Variants in EPHB2 observed in about 807,000 individuals in gnomAD.
The protein encoded by EPHB2 is ephrin type-B receptor 2.
EPHB2 carries 18 observed loss-of-function variants against 96.4 expected under a neutral mutation model. That is an observed-to-expected ratio of 0.19 (90% confidence interval 0.13 to 0.28). The LOEUF is 0.28. EPHB2 is among the 10% of genes least tolerant of loss of function. EPHB2 has a pLI of 1.00. For synonymous variants in EPHB2, 506 were observed against 534.1 expected (o/e 0.95, Z 0.72); for missense variants, 989 against 1,355.4 (o/e 0.73, Z 4.25).
chr1:22,862,926 C>A, intron 3 of EPHB2, 111 bp from the exon 4 acceptor site: 1 of 1,382,808 alleles, frequency 7.2e-7, no homozygotes, highest in Non-Finnish European at 1.0e-6. Context: ...AGCAGTGGTG[C>A]TGCATGGCCC....
chr1:22,742,156 C>G (rs1178756062), intron 1 of EPHB2, among the ~76,000 whole-genome samples: 1 of 152,132 alleles, frequency 6.6e-6, no homozygotes, highest in African/African-American at 2.4e-5. Flanking sequence ...CCTCCTGGCC[C>G]ATATGAGCCC....
rs189454653 is a variant in EPHB2 at position 22,914,195 on chromosome 1, A to G, written c.*625A>G. ...TATTTTAGAAACTCCAATGAAAGACACTGTTTCTCCTGTTGGCTCACAGGG... is the reference window on the plus strand; with the variant it reads ...TATTTTAGAAACTCCAATGAAAGACGCTGTTTCTCCTGTTGGCTCACAGGG... On this transcript the variant is annotated 3_prime_UTR_variant, in exon 16 of 16. Transcript: ENST00000374630. The G allele has an allele frequency of 6.6e-5, 18 of 271,224 alleles. No homozygotes were observed. The highest frequency in any genetic ancestry group is 1.3e-4 in the Non-Finnish European group (18 of 143,988). 16.8% of individuals were successfully genotyped at this position (271,224 alleles called of 1,614,324 possible). A position where few individuals can be genotyped will look rare whatever the true frequency, so the allele number is the denominator to read the frequency against.
At chr1:22,807,082 G>A (rs1022477626) in intron 3 of EPHB2, among the ~76,000 whole-genome samples, 2 of 152,206 alleles carry the variant, frequency 1.3e-5, no homozygotes, top group Non-Finnish European at 2.9e-5. Context: ...TGGGTCCCAC[G>A]CTTCGAGGAA....
chr1:22,747,595 G>A lies in EPHB2; in HGVS notation c.62-33826G>A, dbSNP rs114559005. Among the ~76,000 whole-genome samples the A allele has an allele frequency of 9.4e-3, 1,431 of 152,350 alleles. 26 individuals carry two copies. Among genetic ancestry groups the A allele is most frequent in the African/African-American group, 0.033 (1,371 of 41,582 alleles). ...CCAGCTGAGCAAAGCAAACACCTTG[G>A]GGTGGCATGTGGTCTGTGAGCTGGC... On this transcript the variant is annotated intron_variant, in intron 1 of 15. Coordinates refer to ENST00000374630, the MANE Select transcript of EPHB2 (RefSeq NM_017449.5).
rs1640284904 is a variant in EPHB2 at position 22,916,887 on chromosome 1, C to T, written c.*3317C>T. The T allele has an allele frequency of 6.6e-6, 1 of 152,270 alleles. No homozygotes were observed. The highest frequency in any genetic ancestry group is 2.4e-5 in the African/African-American group (1 of 41,424). 9.4% of individuals were successfully genotyped at this position (152,270 alleles called of 1,614,324 possible). A position where few individuals can be genotyped will look rare whatever the true frequency, so the allele number is the denominator to read the frequency against. On this transcript the variant is annotated 3_prime_UTR_variant, in exon 16 of 16. Coordinates refer to ENST00000374630, the MANE Select transcript of EPHB2 (RefSeq NM_017449.5). This position sits in a 1 kb window ranked among gnomAD's most constrained non-coding sequence, Gnocchi z 4.2. ...GAGAGCCATGCTACCCACCCGCACC[C>T]CTACTGCTACGAAGCCCCCAGAATG...
intron 6 of EPHB2, 122 bp from the exon 7 acceptor site, chr1:22,892,762 T>A (rs1294494488): frequency 8.0e-7 from 1 of 1,249,488 alleles, no homozygotes; most frequent in Non-Finnish European, 1.2e-6. Flanking sequence ...GGATGAAGAA[T>A]TGGGAACCAT....
rs541144302 is a variant in EPHB2 at position 22,863,598 on chromosome 1, G to A, written c.967+406G>A. Among the ~76,000 whole-genome samples, 18 of 152,318 alleles carry A rather than the reference G, an allele frequency of 1.2e-4. No individual in the cohort carries two copies. In the South Asian group the frequency reaches 1.4e-3, roughly 12 times the overall value. ...GGAAGGCACTGCCTGAGAACGCAGC[G>A]TCACAACCCCTGTATCTGTCAGGGA... On this transcript the variant is annotated intron_variant, in intron 4 of 15. Transcript: ENST00000374630.
In EPHB2 at chr1:22,906,947, C is replaced by T. The variant is rs1323321999; in HGVS notation, c.2126C>T (p.Ser709Phe). ...TTCATGGAGAATGGCTCCCTGGACT[C>T]CTTTCTCCGGGTAGGGGAAGCCAAG... ...TEFMENGSLD[S>F]FLRQNDGQFT... Residue 709 changes from serine to phenylalanine, a missense_variant, in exon 11 of 16, where the codon TCC becomes TTC. Transcript: ENST00000374630. This position sits in a 1 kb window ranked among gnomAD's most constrained non-coding sequence, Gnocchi z 4.8. 6.2e-7 allele frequency: 1 copy of T among 1,609,316 alleles called. No homozygotes were observed. Among genetic ancestry groups the T allele is most frequent in the East Asian group, 2.2e-5 (1 of 44,776 alleles).
At chr1:22,905,076 T>C (rs1639866971) in intron 9 of EPHB2, among the ~76,000 whole-genome samples, 1 of 152,162 alleles carries the variant, frequency 6.6e-6, no homozygotes, top group Non-Finnish European at 1.5e-5. Flanking sequence ...CAGCTGCCTA[T>C]CTGGGAGGCG....
intron 5 of EPHB2, among the ~76,000 whole-genome samples, chr1:22,874,218 G>A (rs545874009): frequency 2.0e-5 from 3 of 152,324 alleles, no homozygotes; most frequent in African/African-American, 4.8e-5. Context: ...GCCAAGTCCT[G>A]TGCTAATCAC....
At chr1:22,809,041 C>T (rs1644968253) in intron 3 of EPHB2, among the ~76,000 whole-genome samples, 1 of 152,242 alleles carries the variant, frequency 6.6e-6, no homozygotes, top group South Asian at 2.1e-4. Context: ...CCGGGCCAGG[C>T]CTGGGATCCA....
chr1:22,770,150 C>T (rs1020074081), intron 1 of EPHB2, among the ~76,000 whole-genome samples: 2 of 151,766 alleles, frequency 1.3e-5, no homozygotes, highest in Non-Finnish European at 2.9e-5. Context: ...TGGATGGGTA[C>T]ACGGGCGGGC....
intron 3 of EPHB2, among the ~76,000 whole-genome samples, chr1:22,849,115 C>T (rs1036555126): frequency 5.9e-5 from 9 of 152,162 alleles, no homozygotes; most frequent in African/African-American, 2.2e-4. Flanking sequence ...GGTATTAAGT[C>T]TCTGTTAATA....
At chr1:22,741,320 C>A (rs529052028) in intron 1 of EPHB2, among the ~76,000 whole-genome samples, 2 of 152,202 alleles carry the variant, frequency 1.3e-5, no homozygotes, top group African/African-American at 4.8e-5. Flanking sequence ...CTTTATCCTC[C>A]CCCTAAGTAA....
chr1:22,711,222 C>T (rs1643129786), intron 1 of EPHB2, among the ~76,000 whole-genome samples, 179 bp downstream of exon 1: 1 of 146,650 alleles, frequency 6.8e-6, no homozygotes, highest in Non-Finnish European at 1.5e-5. Context: ...CGCGGGCGCC[C>T]GGGGAGCGGC....
intron 5 of EPHB2, among the ~76,000 whole-genome samples, chr1:22,873,134 A>G (rs4655135): frequency 0.9 from 136,820 of 152,270 alleles, 63,160 homozygotes; most frequent in East Asian, 1. Context: ...CAAAGCCGAC[A>G]GCATGGAACA....
intron 1 of EPHB2, among the ~76,000 whole-genome samples, chr1:22,772,217 G>A (rs1430311613): frequency 6.6e-6 from 1 of 152,198 alleles, no homozygotes; most frequent in Non-Finnish European, 1.5e-5. Context: ...CTGGCCCGGA[G>A]GATTGGGTTT....
rs200706176 is a variant in EPHB2 at position 22,912,426 on chromosome 1, G to C, written c.2697-18G>C. 1 of 1,613,442 alleles carries C rather than the reference G, an allele frequency of 6.2e-7. No homozygotes were observed. The highest frequency in any genetic ancestry group is 1.1e-5 in the South Asian group (1 of 91,066). On this transcript the variant is annotated intron_variant, in intron 14 of 15. Coordinates refer to ENST00000374630, the MANE Select transcript of EPHB2 (RefSeq NM_017449.5). The stretch of plus-strand genomic sequence containing the variant: ...AACAGGTGCCCTGACCATCTCTGTC[G>C]CCCACCCCCAACCCCAGCATCAACC...
chr1:22,844,300 A>G (rs1645510177), intron 3 of EPHB2, among the ~76,000 whole-genome samples: 1 of 152,256 alleles, frequency 6.6e-6, no homozygotes, highest in Admixed American at 6.5e-5. Context: ...TGTTTAACAC[A>G]TAAGAAGACA....
Sources: gnomAD v4.1 joint callset for allele counts (sites outside exome capture counted in the v4.1 genomes callset) on GRCh38, gnomAD v4.1.1 for gene constraint, Gnocchi (gnomAD v3.1) non-coding constraint, MANE v1.5 for transcripts, NCBI Gene and HGNC (gene_info 2026-07-23, HGNC 2026-07-21) for gene names.